DLG2: variants seen among roughly 807,000 people sequenced by gnomAD.
The protein encoded by DLG2 is disks large homolog 2.
DLG2 carries 45 observed loss-of-function variants against 132.5 expected under a neutral mutation model. The ratio of observed to expected loss-of-function variants is 0.34; its 90% CI spans 0.27 to 0.44. The LOEUF is 0.44. DLG2 is among the 20% of genes least tolerant of loss of function. The pLI, the probability that DLG2 is intolerant of heterozygous loss-of-function variation, is 1.00. For synonymous variants in DLG2, 424 were observed against 419.6 expected (o/e 1.01, Z -0.13); for missense variants, 1,045 against 1,196.9 (o/e 0.87, Z 1.87).
intron 7 of DLG2, among the ~76,000 whole-genome samples, chr11:84,345,493 T>G (rs925926406): frequency 6.6e-6 from 1 of 152,208 alleles, no homozygotes; most frequent in Admixed American, 6.5e-5. Context: ...GTTACAGAAT[T>G]ATAATAAAAA....
chr11:84,320,633 A>G (rs1255592377), intron 7 of DLG2, among the ~76,000 whole-genome samples: 1 of 152,232 alleles, frequency 6.6e-6, no homozygotes, highest in Non-Finnish European at 1.5e-5. Flanking sequence ...AGGAATACGT[A>G]AAGTATTTTA....
intron 4 of DLG2, among the ~76,000 whole-genome samples, chr11:85,269,584 G>C (rs2077401449): frequency 6.6e-6 from 1 of 152,146 alleles, no homozygotes; most frequent in African/African-American, 2.4e-5. Context: ...GTTCTTGAGA[G>C]AATAATGAGA....
chr11:83,973,929 G>A (rs992479523), intron 12 of DLG2, among the ~76,000 whole-genome samples: 10 of 151,952 alleles, frequency 6.6e-5, no homozygotes, highest in African/African-American at 1.9e-4. Flanking sequence ...TACTAGTTAT[G>A]TAATATTGGA....
intron 15 of DLG2, among the ~76,000 whole-genome samples, chr11:83,880,008 A>C (rs1000020542): frequency 1.3e-5 from 2 of 152,214 alleles, no homozygotes; most frequent in African/African-American, 4.8e-5. Context: ...CATGAAGAGC[A>C]TGACCAAGAT....
intron 3 of DLG2, among the ~76,000 whole-genome samples, chr11:85,363,105 T>C (rs1284784558): frequency 6.6e-6 from 1 of 152,172 alleles, no homozygotes; most frequent in Non-Finnish European, 1.5e-5. Context: ...GCAGTGGGGT[T>C]AGGAGTCTTC....
chr11:85,062,905 T>G (rs562687042), intron 6 of DLG2, among the ~76,000 whole-genome samples: 2 of 151,766 alleles, frequency 1.3e-5, no homozygotes, highest in Non-Finnish European at 2.9e-5. Flanking sequence ...GTATACAACA[T>G]TTTTACAATT....
At chr11:84,491,920 T>C (rs1230789727) in intron 7 of DLG2, among the ~76,000 whole-genome samples, 1 of 152,172 alleles carries the variant, frequency 6.6e-6, no homozygotes, top group Admixed American at 6.6e-5. Flanking sequence ...TTTCAATCTT[T>C]TGACTTTATC....
chr11:85,498,796 A>C (rs939828789), intron 3 of DLG2, among the ~76,000 whole-genome samples: 8 of 152,206 alleles, frequency 5.3e-5, no homozygotes, highest in African/African-American at 1.4e-4. Context: ...AAACTGGCTC[A>C]AATCTGCACA....
At chr11:85,053,632 CAAAAAAAAAA>C (rs574119257) in intron 6 of DLG2, among the ~76,000 whole-genome samples, 1 of 91,180 alleles carries the variant, frequency 1.1e-5, no homozygotes, top group Admixed American at 1.1e-4. Context: ...ACTAAAAATA[CAAAAAAAAAA>C]AAAAAAAAAA....
chr11:84,259,070 G>C (rs1026311781), intron 7 of DLG2, among the ~76,000 whole-genome samples: 5 of 152,112 alleles, frequency 3.3e-5, no homozygotes, highest in Admixed American at 2.0e-4. Flanking sequence ...TCAGGAGTTT[G>C]AGACCAGCCT....
intron 7 of DLG2, among the ~76,000 whole-genome samples, chr11:84,393,868 T>C (rs2098801632): frequency 6.6e-6 from 1 of 152,194 alleles, no homozygotes; most frequent in African/African-American, 2.4e-5. Context: ...ATTGTCATCA[T>C]ATTTTTACTC....
chr11:84,127,299 CATACATTCCA>C (rs1166853654), intron 9 of DLG2, among the ~76,000 whole-genome samples: 1 of 152,200 alleles, frequency 6.6e-6, no homozygotes, highest in East Asian at 1.9e-4. Flanking sequence ...CCAGTTCTGA[CATACATTCCA>C]ATACTCCCCA....
At chr11:84,248,074 A>G (rs2097326475) in intron 8 of DLG2, among the ~76,000 whole-genome samples, 1 of 152,206 alleles carries the variant, frequency 6.6e-6, no homozygotes, top group Admixed American at 6.5e-5. Flanking sequence ...AACAAAGTAT[A>G]GAACACTGGG....
chr11:85,529,359 T>C (rs1179623574), intron 3 of DLG2, among the ~76,000 whole-genome samples: 1 of 152,236 alleles, frequency 6.6e-6, no homozygotes, highest in East Asian at 1.9e-4. Context: ...TGCTGCACCA[T>C]TATCCAGCCA....
chr11:85,133,708 G>GA (rs1281890701), intron 5 of DLG2, among the ~76,000 whole-genome samples: 1 of 152,080 alleles, frequency 6.6e-6, no homozygotes, highest in Non-Finnish European at 1.5e-5. Context: ...CATTCTGAGT[G>GA]AAAAAATGAG....
At chr11:85,264,864 T>TA (rs920142208) in intron 4 of DLG2, among the ~76,000 whole-genome samples, 5 of 152,224 alleles carry the variant, frequency 3.3e-5, no homozygotes, top group African/African-American at 1.2e-4. Context: ...AATTTGTTCT[T>TA]AAAATCTTCC....
intron 6 of DLG2, among the ~76,000 whole-genome samples, chr11:84,765,150 C>G (rs1356244078): frequency 6.6e-6 from 1 of 152,006 alleles, no homozygotes; most frequent in Non-Finnish European, 1.5e-5. Flanking sequence ...TTCTAATAGG[C>G]AACAAACTTG....
At chr11:84,635,898 C>T (rs2099639750) in intron 6 of DLG2, among the ~76,000 whole-genome samples, 1 of 152,142 alleles carries the variant, frequency 6.6e-6, no homozygotes, top group Non-Finnish European at 1.5e-5. Context: ...ACATTCTTCA[C>T]ACAAAAATGT....
intron 4 of DLG2, among the ~76,000 whole-genome samples, chr11:85,245,063 A>G (rs887808009): frequency 1.2e-4 from 18 of 151,988 alleles, no homozygotes; most frequent in African/African-American, 4.3e-4. Context: ...AAAAAGGTAA[A>G]TTAATAAATT....
Sources: gnomAD v4.1 joint callset for allele counts (sites outside exome capture counted in the v4.1 genomes callset) on GRCh38, gnomAD v4.1.1 for gene constraint, MANE v1.5 for transcripts, NCBI Gene and HGNC (gene_info 2026-07-23, HGNC 2026-07-21) for gene names.